PRPF18: variants seen among roughly 807,000 people sequenced by gnomAD.
PRPF18 encodes pre-mRNA processing factor 18, also known as pre-mRNA-splicing factor 18.
In PRPF18, 38 loss-of-function variants were observed where a neutral mutation model predicts 46.5. The observed-to-expected ratio is 0.82, with a 90% CI of 0.63 to 1.07. The LOEUF is 1.07. Among genes scored for constraint, PRPF18 ranks in the 50% least tolerant of loss-of-function variants. The pLI, the probability that PRPF18 is intolerant of heterozygous loss-of-function variation, is 0.00. For synonymous variants in PRPF18, 152 were observed against 146.7 expected (o/e 1.04, Z -0.26); for missense variants, 263 against 410.0 (o/e 0.64, Z 3.10).
At chr10:13,613,955 GT>G in intron 7 of PRPF18, 59 bp from the exon 8 acceptor site, 2 of 1,560,282 alleles carry the variant, frequency 1.3e-6, no homozygotes, top group Non-Finnish European at 1.7e-6. Flanking sequence ...AATGCAGTCT[GT>G]TTTTTCCCTA....
intron 1 of PRPF18, among the ~76,000 whole-genome samples, chr10:13,595,701 G>T (rs1241893053): frequency 1.3e-5 from 2 of 152,178 alleles, no homozygotes; most frequent in Non-Finnish European, 2.9e-5. Context: ...TTGATGTTCA[G>T]ATGATACCAT....
At chr10:13,611,712 T>G (rs1338543537) in intron 6 of PRPF18, 29 bp downstream of exon 6, 37 of 1,589,880 alleles carry the variant, frequency 2.3e-5, no homozygotes, top group Non-Finnish European at 3.0e-5. Flanking sequence ...GGGATGAGGA[T>G]GCCTTGGATC....
chr10:13,650,360 TG>T, the PRPF18 span, among the ~76,000 whole-genome samples: 1 of 152,170 alleles, frequency 6.6e-6, no homozygotes, highest in Non-Finnish European at 1.5e-5. Context: ...GGGAAGGTGC[TG>T]TTGCTCAGTA....
At chr10:13,612,988 T>C (rs951136504) in intron 6 of PRPF18, among the ~76,000 whole-genome samples, 8 of 152,228 alleles carry the variant, frequency 5.3e-5, no homozygotes, top group African/African-American at 1.9e-4. Context: ...GAATGCTTTT[T>C]CTTGTGTGTA....
At chr10:13,648,938 T>G in the PRPF18 span, among the ~76,000 whole-genome samples, 1 of 152,104 alleles carries the variant, frequency 6.6e-6, no homozygotes. Flanking sequence ...AAAGCTTCCA[T>G]GGATAAATAA....
At chr10:13,653,116 G>C in the PRPF18 span, 1 of 151,876 alleles carries the variant, frequency 6.6e-6, no homozygotes, top group African/African-American at 2.4e-5. Context: ...GTTAGAAGCT[G>C]CTCGCAGCCT....
chr10:13,650,599 C>G, the PRPF18 span, among the ~76,000 whole-genome samples: 1 of 152,206 alleles, frequency 6.6e-6, no homozygotes, highest in Non-Finnish European at 1.5e-5. Flanking sequence ...TTCAAAAATA[C>G]TGCTCTCATG....
chr10:13,598,318 G>T (rs2080062670), intron 2 of PRPF18, among the ~76,000 whole-genome samples: 1 of 152,106 alleles, frequency 6.6e-6, no homozygotes, highest in African/African-American at 2.4e-5. Flanking sequence ...AAGCTCAGAG[G>T]TTCTATTGGA....
the PRPF18 span, chr10:13,645,436 A>G: frequency 1.3e-5 from 2 of 152,414 alleles, no homozygotes; most frequent in African/African-American, 4.8e-5. Flanking sequence ...GCCATCTTGA[A>G]TAACCCAACT....
chr10:13,645,630 G>A, the PRPF18 span: 10 of 152,546 alleles, frequency 6.6e-5, no homozygotes, highest in Non-Finnish European at 1.2e-4. Flanking sequence ...AACTGATGAT[G>A]TAGACACATG....
chr10:13,607,277 A>G (rs1451095573), intron 4 of PRPF18, among the ~76,000 whole-genome samples: 1 of 151,928 alleles, frequency 6.6e-6, no homozygotes, highest in Non-Finnish European at 1.5e-5. Context: ...CTTTTTGTAA[A>G]TGGATTATAG....
intron 9 of PRPF18, among the ~76,000 whole-genome samples, chr10:13,623,293 T>C (rs1255048293): frequency 6.6e-6 from 1 of 152,222 alleles, no homozygotes; most frequent in African/African-American, 2.4e-5. Context: ...ATGATAGAAA[T>C]GTACTTACTA....
At chr10:13,610,830 A>G (rs7910585) in intron 5 of PRPF18, among the ~76,000 whole-genome samples, 53,978 of 152,034 alleles carry the variant, frequency 0.36, 10,784 homozygotes, top group East Asian at 0.85. Context: ...CCTAGTCTAC[A>G]CCCAGCAGTG....
chr10:13,594,202 T>C (rs935311548), intron 1 of PRPF18, among the ~76,000 whole-genome samples: 1 of 152,198 alleles, frequency 6.6e-6, no homozygotes, highest in Non-Finnish European at 1.5e-5. Context: ...CTAACAGATA[T>C]TTTTATGAAA....
intron 1 of PRPF18, among the ~76,000 whole-genome samples, chr10:13,588,372 A>G (rs1004470732): frequency 2.2e-4 from 33 of 149,544 alleles, no homozygotes; most frequent in Non-Finnish European, 4.0e-4. Context: ...GCACCACTGC[A>G]CTCCTGCCTG....
At chr10:13,611,233 T>G (rs1184481105) in intron 5 of PRPF18, among the ~76,000 whole-genome samples, 3 of 151,946 alleles carry the variant, frequency 2.0e-5, no homozygotes, top group Non-Finnish European at 4.4e-5. Flanking sequence ...TTGTTTATTT[T>G]TAAAAAACAG....
the PRPF18 span, chr10:13,637,246 A>G: frequency 6.6e-6 from 1 of 152,348 alleles, no homozygotes; most frequent in South Asian, 2.1e-4. Flanking sequence ...TTATTGTCAA[A>G]GAGTTTTCCA....
chr10:13,633,861 A>C (rs1439093885), downstream of PRPF18, among the ~76,000 whole-genome samples: 1 of 152,364 alleles, frequency 6.6e-6, no homozygotes, highest in East Asian at 1.9e-4. Context: ...AAGAGCTTCC[A>C]GCTGTCCAGA....
chr10:13,587,452 T>G (rs2079892462), intron 1 of PRPF18, among the ~76,000 whole-genome samples: 1 of 152,154 alleles, frequency 6.6e-6, no homozygotes, highest in Non-Finnish European at 1.5e-5. Flanking sequence ...AACGCCCACG[T>G]CCAAAAGCCA....
Sources: allele counts gnomAD v4.1 joint callset (sites outside exome capture counted in the v4.1 genomes callset), GRCh38; gene constraint gnomAD v4.1.1; transcripts MANE v1.5; gene names NCBI Gene and HGNC (gene_info 2026-07-23, HGNC 2026-07-21).